ELP3: variants seen among roughly 807,000 people sequenced by gnomAD.
ELP3 encodes elongator acetyltransferase complex subunit 3.
ELP3 carries 56 observed loss-of-function variants against 74.9 expected under a neutral mutation model. The ratio of observed to expected loss-of-function variants is 0.75; its 90% confidence interval spans 0.60 to 0.93. ELP3 has a LOEUF of 0.93. Ranked by LOEUF, ELP3 falls within the 40% of genes least tolerant of loss-of-function variation. ELP3 has a pLI of 0.00. For missense variants in ELP3, 573 were observed against 686.5 expected (o/e 0.83, Z 1.85); for synonymous variants, 222 against 239.8 (o/e 0.93, Z 0.68).
intron 14 of ELP3, among the ~76,000 whole-genome samples, chr8:28,178,154 T>C (rs1814838370): frequency 1.3e-5 from 2 of 152,186 alleles, no homozygotes; most frequent in Non-Finnish European, 2.9e-5. Flanking sequence ...CAAAACTGGG[T>C]AATTTATAAA....
At chr8:28,108,022 T>C in intron 5 of ELP3, 46 bp downstream of exon 5, 1 of 1,503,970 alleles carries the variant, frequency 6.6e-7, no homozygotes, top group East Asian at 2.3e-5. Flanking sequence ...GCATCATGCT[T>C]TACCTGTAGT....
intron 3 of ELP3, among the ~76,000 whole-genome samples, chr8:28,101,778 CAG>C (rs1438974932): frequency 1.3e-5 from 2 of 151,976 alleles, no homozygotes; most frequent in East Asian, 3.9e-4. Context: ...TCAGTAGAGA[CAG>C]GGTTTCACTA....
At chr8:28,122,687 C>T (rs1044290717) in intron 7 of ELP3, among the ~76,000 whole-genome samples, 2 of 152,054 alleles carry the variant, frequency 1.3e-5, no homozygotes, top group East Asian at 1.9e-4. Context: ...CTTGTTTACC[C>T]GAGTTAGGGG....
chr8:28,090,232 G>A (rs968598701), upstream of ELP3: 92 of 265,004 alleles, frequency 3.5e-4, no homozygotes, highest in Admixed American at 1.5e-3. Flanking sequence ...AGGCCCAGCC[G>A]AAGCTTCAGG....
At chr8:28,188,620 C>A (rs184877500) in intron 14 of ELP3, among the ~76,000 whole-genome samples, 1 of 152,250 alleles carries the variant, frequency 6.6e-6, no homozygotes, top group Non-Finnish European at 1.5e-5. Context: ...TGCACCCCAA[C>A]GCGGTGGGGA....
chr8:28,155,840 T>TCAC, intron 10 of ELP3, 102 bp from the exon 11 acceptor site: 1 of 994,698 alleles, frequency 1.0e-6, no homozygotes, highest in Non-Finnish European at 1.5e-6. Context: ...GGTTTTTTGC[T>TCAC]TTTTTATTTT....
At chr8:28,134,830 T>G (rs1472900876) in intron 9 of ELP3, among the ~76,000 whole-genome samples, 1 of 152,232 alleles carries the variant, frequency 6.6e-6, no homozygotes, top group African/African-American at 2.4e-5. Flanking sequence ...TTGCCTCTGT[T>G]TCCTCCAAGT....
At chr8:28,162,416 G>GT (rs1433932604) in intron 14 of ELP3, among the ~76,000 whole-genome samples, 2 of 152,170 alleles carry the variant, frequency 1.3e-5, no homozygotes, top group African/African-American at 4.8e-5. Flanking sequence ...AAAAACATGA[G>GT]TGTTTCTCAC....
intron 14 of ELP3, among the ~76,000 whole-genome samples, chr8:28,175,218 A>AT (rs1385533672): frequency 2.0e-5 from 3 of 152,090 alleles, no homozygotes; most frequent in African/African-American, 4.8e-5. Context: ...TTCTTTAAAC[A>AT]TTTTTTTCTA....
At chr8:28,149,673 A>G (rs912487877) in intron 10 of ELP3, among the ~76,000 whole-genome samples, 5 of 152,024 alleles carry the variant, frequency 3.3e-5, no homozygotes, top group Non-Finnish European at 5.9e-5. Context: ...TTCAATTTCA[A>G]TTTCCACTCT....
At chr8:28,144,325 T>C (rs1165614322) in intron 10 of ELP3, among the ~76,000 whole-genome samples, 1 of 152,186 alleles carries the variant, frequency 6.6e-6, no homozygotes, top group Non-Finnish European at 1.5e-5. Flanking sequence ...AAACCTTAAA[T>C]TCGGCCAGGC....
At chr8:28,111,732 G>A (rs1044916563) in intron 6 of ELP3, among the ~76,000 whole-genome samples, 1 of 152,206 alleles carries the variant, frequency 6.6e-6, no homozygotes, top group African/African-American at 2.4e-5. Context: ...ACCAAAAAAA[G>A]GAGCATAGTT....
At chr8:28,092,801 C>CCCG, upstream of ELP3, 1 of 177,358 alleles carries the variant, frequency 5.6e-6, no homozygotes, top group Non-Finnish European at 1.2e-5. Flanking sequence ...CCCACCCTCC[C>CCCG]CGGATGTGAC....
At chr8:28,161,956 CT>C in intron 13 of ELP3, 40 bp from the exon 14 acceptor site, 1 of 1,603,216 alleles carries the variant, frequency 6.2e-7, no homozygotes, top group Middle Eastern at 1.7e-4. Flanking sequence ...AATGAACTTC[CT>C]TCCTTTTTAA....
rs1006677682 is a variant in ELP3, at chr8:28,190,739, G to T, written c.*1014G>T. ...GCCGCTGCTAATTTTTGTATTTTTA[G>T]TAGAGATGGGGGTTTCACCATATTG... On this transcript the variant is annotated 3_prime_UTR_variant, in exon 15 of 15. Coordinates refer to ENST00000256398, the MANE Select transcript of ELP3 (RefSeq NM_018091.6). 1 of 152,122 alleles carries T rather than the reference G, an allele frequency of 6.6e-6. No individual in the cohort carries two copies. The highest frequency in any genetic ancestry group is 1.5e-5 in the Non-Finnish European group (1 of 68,040). 9.4% of individuals were successfully genotyped at this position (152,122 alleles called of 1,614,324 possible). A position where few individuals can be genotyped will look rare whatever the true frequency, so the allele number is the denominator to read the frequency against.
rs1813475388 is a variant in ELP3, at chr8:28,147,406, T to A, written c.1101-8536T>A. 6.6e-6 allele frequency among the ~76,000 whole-genome samples: 1 copy of A among 152,150 alleles called. No homozygotes were observed. Among genetic ancestry groups the A allele is most frequent in the Non-Finnish European group, 1.5e-5 (1 of 68,030 alleles). On this transcript the variant is annotated intron_variant, in intron 10 of 14. Transcript: ENST00000256398. The surrounding 1 kb of genome is among the most constrained non-coding windows in gnomAD (Gnocchi z 4.5). ...GCAGTTGTTGGGAGATTAGTTACAT[T>A]GAGCAAAGAAGTTATTTGATTTAGC...
At chr8:28,189,194 A>AT (rs904256148) in intron 14 of ELP3, among the ~76,000 whole-genome samples, 32 of 152,072 alleles carry the variant, frequency 2.1e-4, no homozygotes, top group African/African-American at 6.8e-4. Context: ...TGGAGATCCC[A>AT]TTTTTTCCCC....
At chr8:28,106,347 C>A (rs890594157) in intron 3 of ELP3, among the ~76,000 whole-genome samples, 1 of 151,466 alleles carries the variant, frequency 6.6e-6, no homozygotes, top group Non-Finnish European at 1.5e-5. Context: ...GAGACCATCC[C>A]GGCTAAAACG....
chr8:28,162,132 A>G, intron 14 of ELP3, 54 bp downstream of exon 14: 1 of 1,566,538 alleles, frequency 6.4e-7, no homozygotes, highest in South Asian at 1.1e-5. Context: ...ACTTGGCACC[A>G]CAGTGAAAAC....
Sources: allele counts gnomAD v4.1 joint callset (sites outside exome capture counted in the v4.1 genomes callset), GRCh38; gene constraint gnomAD v4.1.1; non-coding constraint Gnocchi (gnomAD v3.1); transcripts MANE v1.5; gene names NCBI Gene and HGNC (gene_info 2026-07-23, HGNC 2026-07-21).